The following IGSF21 variants were observed in gnomAD, a reference collection of about 807,000 sequenced individuals.
IGSF21 encodes the protein immunoglobin superfamily member 21.
Under a neutral mutation model 46.8 loss-of-function variants are expected in IGSF21, and 28 were observed. That is an observed-to-expected ratio of 0.60 (90% CI 0.44 to 0.82). IGSF21 has a LOEUF of 0.82. Among genes scored for constraint, IGSF21 ranks in the 40% least tolerant of loss-of-function variants. The pLI is 0.00. For synonymous variants in IGSF21, 284 were observed against 273.6 expected, an observed-to-expected ratio of 1.04 and a Z score of -0.38; for missense variants, 624 against 665.5, an observed-to-expected ratio of 0.94 and a Z score of 0.69.
intron 2 of IGSF21, among the ~76,000 whole-genome samples, chr1:18,287,989 G>A (rs2085232181): frequency 6.6e-6 from 1 of 152,158 alleles, no homozygotes; most frequent in South Asian, 2.1e-4. Flanking sequence ...CCAGAAAGGT[G>A]TGAGTGCTCG....
chr1:18,152,939 T>C (rs1465945558), intron 1 of IGSF21, among the ~76,000 whole-genome samples: 1 of 152,024 alleles, frequency 6.6e-6, no homozygotes, highest in Admixed American at 6.5e-5. Flanking sequence ...AGGGTACAGG[T>C]GAGGATAGAA....
At chr1:18,265,029 C>A (rs2084977589) in intron 2 of IGSF21, among the ~76,000 whole-genome samples, 1 of 152,176 alleles carries the variant, frequency 6.6e-6, no homozygotes, top group Non-Finnish European at 1.5e-5. Flanking sequence ...CCCTTCCCTG[C>A]AAACCAGAAA....
intron 3 of IGSF21, among the ~76,000 whole-genome samples, chr1:18,311,221 G>A (rs914490494): frequency 6.6e-6 from 1 of 152,080 alleles, no homozygotes; most frequent in South Asian, 2.1e-4. Context: ...TGACCCAGCT[G>A]CAAGGATGAC....
At chr1:18,376,454 G>A in intron 7 of IGSF21, 59 bp downstream of exon 7, 1 of 1,190,270 alleles carries the variant, frequency 8.4e-7, no homozygotes, top group Non-Finnish European at 1.3e-6. Context: ...CACCGACCCA[G>A]CACCAGCATT....
At chr1:18,225,602 G>C (rs971343564) in intron 1 of IGSF21, among the ~76,000 whole-genome samples, 1 of 152,106 alleles carries the variant, frequency 6.6e-6, no homozygotes, top group African/African-American at 2.4e-5. Flanking sequence ...GATCTCATCA[G>C]CCATCTGGAC....
At chr1:18,226,743 T>C (rs2084571126) in intron 1 of IGSF21, among the ~76,000 whole-genome samples, 1 of 152,242 alleles carries the variant, frequency 6.6e-6, no homozygotes, top group Non-Finnish European at 1.5e-5. Context: ...TCTATTCAGC[T>C]TGCCTGCACA....
chr1:18,154,612 G>A (rs892611350), intron 1 of IGSF21, among the ~76,000 whole-genome samples: 4 of 143,810 alleles, frequency 2.8e-5, no homozygotes, highest in African/African-American at 1.0e-4. Flanking sequence ...GGGTGAGGAG[G>A]CCCTGCCCTG....
intron 2 of IGSF21, among the ~76,000 whole-genome samples, chr1:18,253,168 T>G (rs1416671854): frequency 6.6e-6 from 1 of 152,158 alleles, no homozygotes; most frequent in Non-Finnish European, 1.5e-5. Flanking sequence ...TCCCAGCATC[T>G]TCATCCGATG....
At chr1:18,160,282 G>A (rs1299537982) in intron 1 of IGSF21, among the ~76,000 whole-genome samples, 1 of 152,182 alleles carries the variant, frequency 6.6e-6, no homozygotes, top group Non-Finnish European at 1.5e-5. Context: ...GGGTCCTTCT[G>A]AGCCTTCCTA....
At chr1:18,195,356 C>T (rs1222459063) in intron 1 of IGSF21, among the ~76,000 whole-genome samples, 1 of 152,120 alleles carries the variant, frequency 6.6e-6, no homozygotes, top group African/African-American at 2.4e-5. Context: ...TGGGTGCCAT[C>T]GATGGATTAT....
At chr1:18,287,615 C>G (rs1482852385) in intron 2 of IGSF21, among the ~76,000 whole-genome samples, 1 of 152,182 alleles carries the variant, frequency 6.6e-6, no homozygotes, top group Non-Finnish European at 1.5e-5. Context: ...GCCTTGTCAC[C>G]TCTGTGGTTG....
At position 18,322,046 on chromosome 1, in the gene IGSF21, G is replaced by A. The variant is rs1276127524; in HGVS notation, c.306-12846G>A. On this transcript the variant is annotated intron_variant, in intron 3 of 9. Transcript: ENST00000251296. This position sits in a 1 kb window ranked among gnomAD's most constrained non-coding sequence, Gnocchi z 4.3. Reference sequence around the variant, plus strand: ...CAACTACAGCATGTTACAGCTGGGTGGTTCTGGCCCATGGGAAGGTCTAGA... The same window carrying A: ...CAACTACAGCATGTTACAGCTGGGTAGTTCTGGCCCATGGGAAGGTCTAGA... Among the ~76,000 whole-genome samples, 1 of 152,196 alleles carries A rather than the reference G, an allele frequency of 6.6e-6. No individual in the cohort carries two copies. The highest frequency in any genetic ancestry group is 1.5e-5 in the Non-Finnish European group (1 of 68,036).
At chr1:18,223,206 G>A (rs192693065) in intron 1 of IGSF21, among the ~76,000 whole-genome samples, 10 of 152,352 alleles carry the variant, frequency 6.6e-5, no homozygotes, top group Admixed American at 1.3e-4. Context: ...AGGTCTCTCT[G>A]TTTATGGTTC....
intron 3 of IGSF21, among the ~76,000 whole-genome samples, chr1:18,306,731 A>T (rs561817977): frequency 6.6e-6 from 1 of 152,364 alleles, no homozygotes; most frequent in African/African-American, 2.4e-5. Flanking sequence ...ATCCTGTGAC[A>T]GAGCCATAGG....
chr1:18,120,916 G>A (rs999164709), intron 1 of IGSF21, among the ~76,000 whole-genome samples: 1 of 152,146 alleles, frequency 6.6e-6, no homozygotes, highest in Non-Finnish European at 1.5e-5. Context: ...CTGTGCCCTA[G>A]TCCATCTCAC....
At chr1:18,278,013 T>C (rs1204901721) in intron 2 of IGSF21, among the ~76,000 whole-genome samples, 1 of 152,062 alleles carries the variant, frequency 6.6e-6, no homozygotes, top group Non-Finnish European at 1.5e-5. Flanking sequence ...TGCAATTCAT[T>C]GTGTGTAAAT....
At chr1:18,302,552 C>G (rs528392319) in intron 3 of IGSF21, among the ~76,000 whole-genome samples, 1 of 152,286 alleles carries the variant, frequency 6.6e-6, no homozygotes, top group African/African-American at 2.4e-5. Context: ...TTCTCTCCCC[C>G]CTTTCCAAGA....
Position 18,376,866 on chromosome 1 carries a change from G to A in IGSF21, c.1168G>A (p.Ala390Thr), listed in dbSNP as rs1240797484. The change falls in exon 8 of 10, where the codon GCT (alanine) becomes ACT (threonine). Residue 390 changes from alanine (A) to threonine (T), a missense_variant. Ala to Thr is a moderately conservative substitution (Grantham distance 58). Transcript: ENST00000251296. ...TGGGAGCCGCCTCCTGGACGGCAGC[G>A]CTGAGTTCGACGGGAAGGAGCTGGT... The part of the protein sequence containing the change: ...RVGSRLLDGS[A>T]EFDGKELVLE... 9.9e-6 allele frequency: 16 copies of A among 1,612,474 alleles called. No individual in the cohort carries two copies. Among genetic ancestry groups the A allele is most frequent in the African/African-American group, 5.3e-5 (4 of 74,918 alleles).
intron 3 of IGSF21, among the ~76,000 whole-genome samples, chr1:18,333,464 A>G (rs1043366569): frequency 7.2e-5 from 11 of 152,228 alleles, no homozygotes; most frequent in Middle Eastern, 3.4e-3. Context: ...CCCTCTATCC[A>G]TTTGGTGCAA....
Sources: allele counts gnomAD v4.1 joint callset (sites outside exome capture counted in the v4.1 genomes callset), GRCh38; gene constraint gnomAD v4.1.1; non-coding constraint Gnocchi (gnomAD v3.1); transcripts MANE v1.5; gene names NCBI Gene and HGNC (gene_info 2026-07-23, HGNC 2026-07-21).